Variants in RBFOX1 observed in about 807,000 individuals in gnomAD.
RBFOX1 encodes the protein RNA binding protein fox-1 homolog 1.
RBFOX1 carries 8 observed loss-of-function variants against 57.7 expected under a neutral mutation model. The observed-to-expected ratio is 0.14, with a 90% CI of 0.08 to 0.25. The LOEUF (loss-of-function observed/expected upper bound fraction) is 0.25, where lower values mean the gene tolerates loss of function less well. Ranked by LOEUF, RBFOX1 falls within the 10% of genes least tolerant of loss-of-function variation. The probability of loss-of-function intolerance (pLI) is 1.00; values close to 1 mark genes in which losing one functional copy is unlikely to be tolerated. For missense variants in RBFOX1, 611 were observed against 548.5 expected, an observed-to-expected ratio of 1.11 and a Z score of -1.14; for synonymous variants, 326 against 222.4, an observed-to-expected ratio of 1.47 and a Z score of -4.15.
At chr16:7,628,768 A>T (rs991347334) in intron 10 of RBFOX1, among the ~76,000 whole-genome samples, 2 of 151,874 alleles carry the variant, frequency 1.3e-5, no homozygotes, top group African/African-American at 4.8e-5. Flanking sequence ...GCCTGCCACC[A>T]CACCCAGCTA....
At chr16:6,757,897 G>T (rs943354445) in intron 3 of RBFOX1, among the ~76,000 whole-genome samples, 1 of 152,156 alleles carries the variant, frequency 6.6e-6, no homozygotes. Context: ...AATGTCACAT[G>T]TACCCTGTAA....
chr16:5,385,547 T>G (rs1159306796), intron 1 of RBFOX1, among the ~76,000 whole-genome samples: 2 of 152,150 alleles, frequency 1.3e-5, no homozygotes, highest in African/African-American at 4.8e-5. Context: ...TGACATGGCT[T>G]TCTCCCCCTT....
intron 3 of RBFOX1, among the ~76,000 whole-genome samples, chr16:5,610,065 C>T (rs1475676712): frequency 1.3e-5 from 2 of 152,182 alleles, no homozygotes; most frequent in Non-Finnish European, 2.9e-5. Flanking sequence ...CACCCTCTGA[C>T]ATCCAGTGTA....
chr16:5,899,802 G>T (rs1037380121), intron 4 of RBFOX1, among the ~76,000 whole-genome samples: 2 of 152,172 alleles, frequency 1.3e-5, no homozygotes, highest in Non-Finnish European at 2.9e-5. Flanking sequence ...GGCCCGGCAT[G>T]GTGGCTTACA....
At chr16:7,066,413 T>C (rs1160452638) in intron 4 of RBFOX1, among the ~76,000 whole-genome samples, 2 of 152,182 alleles carry the variant, frequency 1.3e-5, no homozygotes, top group Admixed American at 6.5e-5. Flanking sequence ...CTTTATTGAT[T>C]TGGACTTTGG....
intron 1 of RBFOX1, among the ~76,000 whole-genome samples, chr16:5,295,358 C>G (rs1341144013): frequency 6.6e-6 from 1 of 152,164 alleles, no homozygotes; most frequent in Non-Finnish European, 1.5e-5. Context: ...TGCTGGGCAA[C>G]AATATTACTG....
At chr16:6,315,965 A>G (rs1265996424) in intron 1 of RBFOX1, among the ~76,000 whole-genome samples, 1 of 152,204 alleles carries the variant, frequency 6.6e-6, no homozygotes, top group Admixed American at 6.5e-5. Context: ...CTATCACATT[A>G]GGAAAGGGGG....
chr16:7,578,869 C>T (rs554584682), intron 5 of RBFOX1, among the ~76,000 whole-genome samples: 1 of 152,282 alleles, frequency 6.6e-6, no homozygotes, highest in South Asian at 2.1e-4. Context: ...GTGACTGTGA[C>T]TTTTCCCCTC....
intron 4 of RBFOX1, among the ~76,000 whole-genome samples, chr16:5,890,288 G>T (rs370184592): frequency 1.3e-5 from 2 of 152,188 alleles, no homozygotes; most frequent in East Asian, 3.8e-4. Context: ...TGGGCAAGGT[G>T]CCTCTTTCAT....
chr16:6,185,694 G>A (rs2097100910), intron 1 of RBFOX1, among the ~76,000 whole-genome samples: 1 of 152,214 alleles, frequency 6.6e-6, no homozygotes, highest in Admixed American at 6.5e-5. Flanking sequence ...AATTGTTAAT[G>A]TCTGTTTTCT....
intron 4 of RBFOX1, among the ~76,000 whole-genome samples, chr16:7,382,353 A>C: frequency 6.6e-6 from 1 of 152,228 alleles, no homozygotes; most frequent in Non-Finnish European, 1.5e-5. Flanking sequence ...ACTTTTAAAA[A>C]ATGTGACTTT....
intron 2 of RBFOX1, 26 bp downstream of exon 2, chr16:6,317,083 C>G (rs1318219993): frequency 1.3e-6 from 2 of 1,516,904 alleles, no homozygotes; most frequent in Non-Finnish European, 1.8e-6. Context: ...TTTGAACATT[C>G]ATTCCATAAA....
intron 1 of RBFOX1, among the ~76,000 whole-genome samples, chr16:5,278,863 T>C (rs1055054401): frequency 1.3e-5 from 2 of 152,250 alleles, no homozygotes; most frequent in African/African-American, 4.8e-5. Context: ...ATTCAATGTA[T>C]GTTCTTGACA....
chr16:5,641,359 A>G (rs2048868739), intron 3 of RBFOX1, among the ~76,000 whole-genome samples: 2 of 152,256 alleles, frequency 1.3e-5, no homozygotes, highest in Non-Finnish European at 2.9e-5. Flanking sequence ...AAATTATGCA[A>G]TAAACTACAT....
At chr16:6,452,823 A>C (rs2094665346) in intron 2 of RBFOX1, among the ~76,000 whole-genome samples, 1 of 152,150 alleles carries the variant, frequency 6.6e-6, no homozygotes, top group South Asian at 2.1e-4. Context: ...CACATCCACA[A>C]AATGAGGAAA....
chr16:7,302,716 A>T (rs1408039879), intron 4 of RBFOX1, among the ~76,000 whole-genome samples: 2 of 148,064 alleles, frequency 1.4e-5, no homozygotes, highest in South Asian at 4.3e-4. Context: ...TCACGATTTT[A>T]TTGCTGCCAA....
intron 4 of RBFOX1, among the ~76,000 whole-genome samples, chr16:7,057,146 A>G (rs2052583433): frequency 1.3e-5 from 2 of 152,184 alleles, no homozygotes; most frequent in African/African-American, 4.8e-5. Context: ...ATGAGAATAC[A>G]GAGAACACAT....
At chr16:5,510,139 G>C (rs960571059) in intron 2 of RBFOX1, among the ~76,000 whole-genome samples, 2 of 152,204 alleles carry the variant, frequency 1.3e-5, no homozygotes, top group African/African-American at 4.8e-5. Flanking sequence ...TGTGTAACTG[G>C]GGCTGGTTAT....
rs1415262589 is a variant in RBFOX1 at position 6,512,568 on chromosome 16, T to G, written c.-63-142035T>G. ...CTAGACATTACACAAGAGCCTCTTT[T>G]TAGTCTTCTGCCTCCAATGGACACC... is the stretch of plus-strand genomic sequence containing the variant. On this transcript the variant is annotated intron_variant, in intron 2 of 15. Transcript: ENST00000550418. Among the ~76,000 whole-genome samples the G allele has an allele frequency of 2.6e-5, 4 of 152,258 alleles. No individual in the cohort carries two copies. In the East Asian group the frequency reaches 7.7e-4, roughly 29 times the overall value.
Sources: allele counts gnomAD v4.1 joint callset (sites outside exome capture counted in the v4.1 genomes callset), GRCh38; gene constraint gnomAD v4.1.1; transcripts MANE v1.5; gene names NCBI Gene and HGNC (gene_info 2026-07-23, HGNC 2026-07-21).